SEMA5A: variants seen among roughly 807,000 people sequenced by gnomAD.
The protein encoded by SEMA5A is semaphorin-5A.
Under a neutral mutation model 135.5 loss-of-function variants are expected in SEMA5A, and 55 were observed. The observed-to-expected ratio is 0.41, with a 90% CI of 0.33 to 0.51. The LOEUF (loss-of-function observed/expected upper bound fraction) is 0.51. SEMA5A is among the 20% of genes least tolerant of loss of function. SEMA5A has a pLI of 0.37. For synonymous variants in SEMA5A, 580 were observed against 546.5 expected (o/e 1.06, Z -0.85); for missense variants, 1,290 against 1,419.9 (o/e 0.91, Z 1.47).
intron 3 of SEMA5A, among the ~76,000 whole-genome samples, chr5:9,371,768 A>G (rs964029242): frequency 7.2e-5 from 11 of 152,180 alleles, no homozygotes; most frequent in Non-Finnish European, 1.0e-4. Flanking sequence ...CCATAACAGC[A>G]CGTTTCCTCC....
intron 1 of SEMA5A, among the ~76,000 whole-genome samples, chr5:9,529,279 C>T (rs1418378439): frequency 6.6e-6 from 1 of 152,254 alleles, no homozygotes; most frequent in African/African-American, 2.4e-5. Context: ...CCCTGCATGG[C>T]TGAAGCAGAA....
chr5:9,120,668 T>A (rs563584615), intron 14 of SEMA5A, among the ~76,000 whole-genome samples: 2 of 152,328 alleles, frequency 1.3e-5, no homozygotes, highest in Admixed American at 1.3e-4. Context: ...TAAATTACAT[T>A]TAATTTGCAA....
intron 5 of SEMA5A, among the ~76,000 whole-genome samples, chr5:9,308,660 G>A (rs574877035): frequency 8.5e-5 from 13 of 152,134 alleles, no homozygotes; most frequent in South Asian, 4.2e-4. Context: ...ACTATAGGTC[G>A]TATGCTGGCC....
At chr5:9,387,104 G>A (rs1254226063) in intron 2 of SEMA5A, among the ~76,000 whole-genome samples, 1 of 152,164 alleles carries the variant, frequency 6.6e-6, no homozygotes, top group African/African-American at 2.4e-5. Context: ...ATCAGGATGG[G>A]TCCTGCTACC....
intron 11 of SEMA5A, among the ~76,000 whole-genome samples, chr5:9,157,740 T>C (rs896451008): frequency 1.3e-5 from 2 of 152,232 alleles, no homozygotes; most frequent in African/African-American, 2.4e-5. Flanking sequence ...GATTGTGGCA[T>C]ACCCTGGACA....
At chr5:9,154,093 A>ATATATGTGTGTGTGTGTG (rs372321939) in intron 12 of SEMA5A, among the ~76,000 whole-genome samples, 19 of 73,502 alleles carry the variant, frequency 2.6e-4, no homozygotes, top group East Asian at 1.2e-3. Context: ...ATATATATAT[A>ATATATGTGTGTGTGTGTG]TGTGTGTGTG....
intron 11 of SEMA5A, among the ~76,000 whole-genome samples, chr5:9,168,898 T>C (rs966104907): frequency 6.6e-6 from 1 of 152,190 alleles, no homozygotes; most frequent in African/African-American, 2.4e-5. Flanking sequence ...TCATTCTTGT[T>C]CTAAAATCAT....
chr5:9,222,818 C>T (rs754675968), intron 8 of SEMA5A, among the ~76,000 whole-genome samples: 22 of 152,186 alleles, frequency 1.4e-4, no homozygotes, highest in Non-Finnish European at 2.8e-4. Flanking sequence ...CGATACTGAC[C>T]ACCTGATCAG....
intron 5 of SEMA5A, among the ~76,000 whole-genome samples, chr5:9,291,685 C>T (rs1198201038): frequency 1.3e-5 from 2 of 151,688 alleles, no homozygotes; most frequent in Non-Finnish European, 2.9e-5. Context: ...GATCAACCAC[C>T]TTGAATATGG....
At chr5:9,160,409 G>A (rs914997780) in intron 11 of SEMA5A, among the ~76,000 whole-genome samples, 14 of 152,124 alleles carry the variant, frequency 9.2e-5, no homozygotes, top group Admixed American at 2.0e-4. Context: ...AGAGTAACAT[G>A]CAAAGAAAAG....
intron 1 of SEMA5A, among the ~76,000 whole-genome samples, chr5:9,481,053 C>T (rs1403502373): frequency 1.3e-5 from 2 of 152,126 alleles, no homozygotes; most frequent in Non-Finnish European, 2.9e-5. Context: ...TCAAGCGATT[C>T]TCCTGCCTCA....
At chr5:9,425,349 A>T (rs1268054726) in intron 2 of SEMA5A, among the ~76,000 whole-genome samples, 1 of 152,192 alleles carries the variant, frequency 6.6e-6, no homozygotes, top group Non-Finnish European at 1.5e-5. Context: ...CAGTGCCTAA[A>T]ACCGAGGCTC....
chr5:9,300,462 T>C (rs556231821), intron 5 of SEMA5A, among the ~76,000 whole-genome samples: 2 of 152,272 alleles, frequency 1.3e-5, no homozygotes, highest in South Asian at 2.1e-4. Context: ...GATAGTAATT[T>C]GGAACAAATC....
intron 2 of SEMA5A, among the ~76,000 whole-genome samples, chr5:9,430,041 G>C (rs1561246932): frequency 6.6e-6 from 1 of 152,224 alleles, no homozygotes; most frequent in Non-Finnish European, 1.5e-5. Flanking sequence ...GCTTAGCTGA[G>C]GCAGGGAGCA....
intron 2 of SEMA5A, 63 bp from the exon 3 acceptor site, chr5:9,380,086 T>C (rs1755531895): frequency 4.6e-6 from 5 of 1,089,472 alleles, no homozygotes; most frequent in Admixed American, 5.4e-5. Context: ...GGTGGTCTTC[T>C]GGTAAAACTT....
chr5:9,218,451 C>G (rs1405204600), intron 8 of SEMA5A, among the ~76,000 whole-genome samples: 2 of 152,130 alleles, frequency 1.3e-5, no homozygotes, highest in African/African-American at 4.8e-5. Flanking sequence ...GGCGTTTCAT[C>G]GGTTTGTCCA....
At chr5:9,540,219 T>C (rs887431297) in intron 1 of SEMA5A, among the ~76,000 whole-genome samples, 3 of 152,174 alleles carry the variant, frequency 2.0e-5, no homozygotes, top group African/African-American at 4.8e-5. Flanking sequence ...AACAGTCTCA[T>C]TGGTCTCCTA....
chr5:9,086,486 T>C (rs1408976884), intron 16 of SEMA5A, among the ~76,000 whole-genome samples: 1 of 152,188 alleles, frequency 6.6e-6, no homozygotes, highest in Non-Finnish European at 1.5e-5. Flanking sequence ...AGCTCTCTTC[T>C]CTTGTCTGCC....
At chr5:9,529,716 A>G (rs941739878) in intron 1 of SEMA5A, among the ~76,000 whole-genome samples, 1 of 152,160 alleles carries the variant, frequency 6.6e-6, no homozygotes, top group Non-Finnish European at 1.5e-5. Context: ...TATAAAATCC[A>G]TGGGTATATG....
Sources: allele counts gnomAD v4.1 joint callset (sites outside exome capture counted in the v4.1 genomes callset), GRCh38; gene constraint gnomAD v4.1.1; transcripts MANE v1.5; gene names NCBI Gene and HGNC (gene_info 2026-07-23, HGNC 2026-07-21).